The following SEMA3A variants were observed in gnomAD, a reference collection of about 807,000 sequenced individuals.
SEMA3A encodes the protein semaphorin-3A.
Under a neutral mutation model 97.9 loss-of-function variants are expected in SEMA3A, and 29 were observed. The observed-to-expected ratio is 0.30, with a 90% CI of 0.22 to 0.40. The LOEUF (loss-of-function observed/expected upper bound fraction) is 0.40. SEMA3A is among the 10% of genes least tolerant of loss of function. SEMA3A has a pLI of 1.00. For missense variants in SEMA3A, 763 were observed against 951.3 expected, an observed-to-expected ratio of 0.80 and a Z score of 2.60; for synonymous variants, 321 against 323.7, an observed-to-expected ratio of 0.99 and a Z score of 0.09.
intron 1 of SEMA3A, among the ~76,000 whole-genome samples, chr7:84,420,407 C>T (rs1165279148): frequency 6.6e-6 from 1 of 151,658 alleles, no homozygotes; most frequent in African/African-American, 2.4e-5. Flanking sequence ...ATTACAATAA[C>T]TGAAATAAAA....
intron 3 of SEMA3A, among the ~76,000 whole-genome samples, chr7:84,304,609 G>T (rs1043740469): frequency 6.6e-6 from 1 of 151,896 alleles, no homozygotes; most frequent in Non-Finnish European, 1.5e-5. Flanking sequence ...ATTAAGTACT[G>T]CTGGCACTAA....
intron 2 of SEMA3A, 32 bp downstream of exon 2, chr7:84,134,762 T>A (rs1796069808): frequency 6.9e-7 from 1 of 1,456,514 alleles, no homozygotes; most frequent in Non-Finnish European, 9.3e-7. Flanking sequence ...TGCTTCAAAA[T>A]AACTATAGTG....
intron 12 of SEMA3A, among the ~76,000 whole-genome samples, chr7:84,000,071 G>C (rs965867662): frequency 6.6e-6 from 1 of 151,872 alleles, no homozygotes; most frequent in African/African-American, 2.4e-5. Context: ...GACATTTTAG[G>C]TTTTGGCGAT....
intron 1 of SEMA3A, among the ~76,000 whole-genome samples, chr7:84,192,630 A>C (rs11979170): frequency 0.64 from 96,547 of 151,680 alleles, 30,981 homozygotes; most frequent in East Asian, 0.76. Flanking sequence ...TAAATGTAAT[A>C]TTTTTAATGT....
At chr7:84,199,408 G>A (rs79114877), upstream of SEMA3A, among the ~76,000 whole-genome samples, 9,555 of 148,766 alleles carry the variant, frequency 0.064, 349 homozygotes, top group African/African-American at 0.094. Context: ...TTACTAAGTT[G>A]GGAATTTTTA....
intron 6 of SEMA3A, among the ~76,000 whole-genome samples, chr7:84,022,521 G>A (rs1478496584): frequency 3.9e-5 from 6 of 152,172 alleles, no homozygotes; most frequent in Non-Finnish European, 5.9e-5. Context: ...AATGTATACA[G>A]CGACCCTGGA....
intron 1 of SEMA3A, chr7:84,489,206 G>A (rs1806657358): frequency 6.6e-6 from 1 of 152,104 alleles, no homozygotes; most frequent in South Asian, 2.1e-4. Flanking sequence ...GAAACCTCTC[G>A]TCAAACCATC....
intron 3 of SEMA3A, among the ~76,000 whole-genome samples, chr7:84,279,096 G>C (rs925069410): frequency 2.0e-5 from 3 of 152,058 alleles, no homozygotes; most frequent in Non-Finnish European, 2.9e-5. Context: ...ATTATCAACT[G>C]TTTATAAAAT....
intron 6 of SEMA3A, among the ~76,000 whole-genome samples, chr7:84,026,169 A>G (rs1413338104): frequency 6.6e-6 from 1 of 152,186 alleles, no homozygotes; most frequent in Non-Finnish European, 1.5e-5. Context: ...ACAAGCATAA[A>G]TACATAAAGT....
intron 1 of SEMA3A, among the ~76,000 whole-genome samples, chr7:84,384,262 G>A (rs968189140): frequency 6.6e-6 from 1 of 152,016 alleles, no homozygotes; most frequent in African/African-American, 2.4e-5. Context: ...TTTATTTTAG[G>A]TCTGTGTATT....
chr7:84,141,109 C>T (rs1796279515), intron 1 of SEMA3A, among the ~76,000 whole-genome samples: 5 of 152,144 alleles, frequency 3.3e-5, no homozygotes, highest in South Asian at 2.1e-4. Context: ...ATGAATTCTA[C>T]TCCTACTATT....
chr7:84,066,773 G>A (rs1183130692), intron 4 of SEMA3A, among the ~76,000 whole-genome samples: 1 of 151,906 alleles, frequency 6.6e-6, no homozygotes. Context: ...AATAAAAGAG[G>A]ATACAAACAA....
chr7:84,054,868 A>C (rs1008508381), intron 5 of SEMA3A, among the ~76,000 whole-genome samples: 8 of 150,450 alleles, frequency 5.3e-5, no homozygotes, highest in Non-Finnish European at 1.0e-4. Flanking sequence ...ATGGTGATGC[A>C]CAGATGGGTT....
chr7:84,146,011 T>C (rs1442925935), intron 1 of SEMA3A, among the ~76,000 whole-genome samples: 1 of 152,152 alleles, frequency 6.6e-6, no homozygotes, highest in Non-Finnish European at 1.5e-5. Context: ...CTGCTTCTAG[T>C]TGATTTTCCC....
intron 3 of SEMA3A, among the ~76,000 whole-genome samples, chr7:84,271,142 C>CT (rs1424486246): frequency 1.3e-5 from 2 of 152,122 alleles, no homozygotes; most frequent in Non-Finnish European, 2.9e-5. Context: ...TTTTCTCTCT[C>CT]TTTTTTCTAT....
chr7:84,276,765 C>T (rs987757798), intron 3 of SEMA3A, among the ~76,000 whole-genome samples: 9 of 152,164 alleles, frequency 5.9e-5, no homozygotes, highest in Non-Finnish European at 1.2e-4. Context: ...TTAAGCATTT[C>T]ATTTATTCTT....
intron 12 of SEMA3A, among the ~76,000 whole-genome samples, chr7:83,989,002 C>A (rs1381734974): frequency 6.6e-6 from 1 of 151,302 alleles, no homozygotes; most frequent in African/African-American, 2.4e-5. Flanking sequence ...TAGGTTTGTA[C>A]AATATTGGAA....
At chr7:84,022,426 G>A (rs1310894204) in intron 6 of SEMA3A, among the ~76,000 whole-genome samples, 1 of 152,122 alleles carries the variant, frequency 6.6e-6, no homozygotes, top group African/African-American at 2.4e-5. Context: ...TTAAAGTAGA[G>A]AATACCTATT....
intron 1 of SEMA3A, among the ~76,000 whole-genome samples, chr7:84,423,606 T>C (rs1250372917): frequency 6.6e-6 from 1 of 152,116 alleles, no homozygotes; most frequent in Non-Finnish European, 1.5e-5. Context: ...TCTATATCTA[T>C]ATTTAAACCT....
Sources: gnomAD v4.1 joint callset for allele counts (sites outside exome capture counted in the v4.1 genomes callset) on GRCh38, gnomAD v4.1.1 for gene constraint, MANE v1.5 for transcripts, NCBI Gene and HGNC (gene_info 2026-07-23, HGNC 2026-07-21) for gene names.